Variants in RBL1 observed in about 807,000 individuals in gnomAD.
The protein encoded by RBL1 is RB transcriptional corepressor like 1, also known as retinoblastoma-like protein 1.
A neutral mutation model predicts 123.0 loss-of-function variants in RBL1; 82 were observed. The ratio of observed to expected loss-of-function variants is 0.67; its 90% CI spans 0.56 to 0.80. RBL1 has a LOEUF of 0.80. RBL1 is among the 30% of genes least tolerant of loss of function. The pLI, the probability that RBL1 is intolerant of heterozygous loss-of-function variation, is 0.00. For synonymous variants in RBL1, 405 were observed against 441.3 expected (o/e 0.92, Z 1.03); for missense variants, 1,171 against 1,299.6 (o/e 0.90, Z 1.52).
chr20:37,016,856 C>A (rs969330621), intron 19 of RBL1, among the ~76,000 whole-genome samples: 1 of 148,436 alleles, frequency 6.7e-6, no homozygotes, highest in Non-Finnish European at 1.5e-5. Context: ...TGCATGCCTG[C>A]CTGGGTAACA....
intron 2 of RBL1, among the ~76,000 whole-genome samples, chr20:37,073,998 C>G (rs7262177): frequency 0.053 from 8,116 of 152,074 alleles, 738 homozygotes; most frequent in African/African-American, 0.18. Flanking sequence ...GTAGTCCCAG[C>G]TACATGGGAG....
intron 11 of RBL1, among the ~76,000 whole-genome samples, chr20:37,055,350 G>A (rs370005335): frequency 1.4e-5 from 2 of 147,278 alleles, no homozygotes; most frequent in South Asian, 2.2e-4. Flanking sequence ...AAACACTGAT[G>A]TGTACCAAAG....
intron 11 of RBL1, among the ~76,000 whole-genome samples, chr20:37,052,425 G>A (rs888516607): frequency 4.7e-5 from 7 of 149,750 alleles, no homozygotes; most frequent in African/African-American, 1.2e-4. Context: ...TCTTCCTCCC[G>A]GGCTCAAGCG....
At chr20:37,093,364 G>C (rs1392099065) in intron 1 of RBL1, among the ~76,000 whole-genome samples, 1 of 148,942 alleles carries the variant, frequency 6.7e-6, no homozygotes, top group Non-Finnish European at 1.5e-5. Flanking sequence ...GCATTGGGCT[G>C]GGCTCGGTGG....
chr20:37,069,106 C>A (rs1445847830), intron 2 of RBL1, among the ~76,000 whole-genome samples: 13 of 152,400 alleles, frequency 8.5e-5, no homozygotes, highest in African/African-American at 3.1e-4. Context: ...TCCCGAGGTG[C>A]CGGGATTGCA....
At chr20:37,074,812 G>A (rs1052815164) in intron 2 of RBL1, among the ~76,000 whole-genome samples, 4 of 152,074 alleles carry the variant, frequency 2.6e-5, no homozygotes, top group Non-Finnish European at 2.9e-5. Flanking sequence ...GTGACAGAGT[G>A]AGACTCTGTC....
rs2065110573 is a variant in RBL1, at chr20:37,062,373, T to G, written c.897-103A>C. ...TTACAGCTTAGAAAACTTGACAACT[T>G]TCTAATTTTTATTAACTCTGACCAT... is the stretch of plus-strand genomic sequence containing the variant. On this transcript the variant is annotated intron_variant, in intron 7 of 21. Transcript: ENST00000373664. 12 of 1,455,526 alleles carry G rather than the reference T, an allele frequency of 8.2e-6. No individual in the cohort carries two copies. The South Asian group carries it at 1.8e-4, about 22-fold the overall frequency. The allele number at this position is 1,455,526 out of a possible 1,614,324, so 90.2% of individuals were successfully genotyped here. A position where few individuals can be genotyped will look rare whatever the true frequency, so the allele number is the denominator to read the frequency against.
intron 19 of RBL1, among the ~76,000 whole-genome samples, chr20:37,012,597 C>T (rs1242914693): frequency 4.8e-5 from 7 of 144,602 alleles, no homozygotes; most frequent in African/African-American, 2.0e-4. Flanking sequence ...CCAGCCGCCC[C>T]GTCTGAGAAG....
At chr20:37,092,527 C>T in intron 1 of RBL1, among the ~76,000 whole-genome samples, 1 of 152,092 alleles carries the variant, frequency 6.6e-6, no homozygotes. Context: ...TGCCACCACA[C>T]CCAGCTAATT....
rs1432624795 is a variant in RBL1, at chr20:37,035,273, T to C, written c.2139A>G (p.Thr713=). 1 of 1,613,864 alleles carries C rather than the reference T, an allele frequency of 6.2e-7. No homozygotes were observed. Among genetic ancestry groups the C allele is most frequent in the Non-Finnish European group, 8.5e-7 (1 of 1,179,850 alleles). Residue 713 remains threonine (T), a synonymous_variant, in exon 15 of 22, where the codon ACA becomes ACG. Coordinates refer to ENST00000373664, the MANE Select transcript of RBL1 (RefSeq NM_002895.5). ...ATGGAATTGTAACTTTATGTCCTGT[T>C]GTTCCTGTTACTGGGGCTGTGGCCA... ...LTMATAPVTG[T]TGHKVTIPLH...
chr20:37,007,401 T>C lies in RBL1; in HGVS notation c.2871+10A>G, dbSNP rs771582322. 4.8e-5 allele frequency: 78 copies of C among 1,610,810 alleles called. No homozygotes were observed. Among genetic ancestry groups the C allele is most frequent in the East Asian group, 6.7e-5 (3 of 44,842 alleles). On this transcript the variant is annotated intron_variant, in intron 20 of 21. Transcript: ENST00000373664. ...CAAATAATAATAAAGTAGTAAAACATAGAACATACCATATGGTCCTGATTC... is the reference window on the plus strand; with the variant it reads ...CAAATAATAATAAAGTAGTAAAACACAGAACATACCATATGGTCCTGATTC...
At chr20:37,073,482 G>C (rs1048655425) in intron 2 of RBL1, among the ~76,000 whole-genome samples, 1 of 151,950 alleles carries the variant, frequency 6.6e-6, no homozygotes, top group African/African-American at 2.4e-5. Flanking sequence ...AGGATTGCTT[G>C]AGCCCAGGAG....
rs768237250 is a variant in RBL1 at position 37,026,063 on chromosome 20, C to T, written c.2383-3237G>A. ...GGCCAGGACCTGGGTTCTTAATGGT[C>T]GTGGTAACCACAGCAGTCCCATACT... is the stretch of plus-strand genomic sequence containing the variant. On this transcript the variant is annotated intron_variant, in intron 16 of 21. Transcript: ENST00000373664. Among the ~76,000 whole-genome samples, 7 of 152,102 alleles carry T rather than the reference C, an allele frequency of 4.6e-5. No individual in the cohort carries two copies. The South Asian group carries it at 1.0e-3, about 23-fold the overall frequency.
chr20:37,091,335 G>A (rs1033597606), intron 1 of RBL1, among the ~76,000 whole-genome samples: 7 of 150,700 alleles, frequency 4.6e-5, no homozygotes, highest in East Asian at 3.9e-4. Context: ...TCCAGCCTGC[G>A]CAACGGGAGT....
chr20:37,086,325 G>A (rs921330857), intron 2 of RBL1, among the ~76,000 whole-genome samples: 1 of 151,884 alleles, frequency 6.6e-6, no homozygotes, highest in African/African-American at 2.4e-5. Context: ...GGTGGCTTAC[G>A]TCTATAGTCC....
chr20:37,089,210 G>A (rs1035000433), intron 1 of RBL1, 88 bp from the exon 2 acceptor site: 2 of 1,311,112 alleles, frequency 1.5e-6, no homozygotes, highest in African/African-American at 3.0e-5. Flanking sequence ...GAATTATCTG[G>A]TCTCAATTTT....
At chr20:37,000,186 G>A (rs1196010986) in intron 21 of RBL1, among the ~76,000 whole-genome samples, 5 of 145,616 alleles carry the variant, frequency 3.4e-5, no homozygotes, top group African/African-American at 1.0e-4. Flanking sequence ...CAACCGCCCC[G>A]TCTGAGAAGT....
At chr20:37,018,180 CCTT>C (rs1449777805) in intron 19 of RBL1, 96 bp downstream of exon 19, 37 of 1,333,308 alleles carry the variant, frequency 2.8e-5, no homozygotes, top group Middle Eastern at 2.5e-4. Flanking sequence ...CACCTCACCT[CCTT>C]ATGATTCACA....
intron 16 of RBL1, among the ~76,000 whole-genome samples, chr20:37,031,195 G>C (rs2146244611): frequency 6.6e-6 from 1 of 152,148 alleles, no homozygotes; most frequent in South Asian, 2.1e-4. Flanking sequence ...AGAATAAATT[G>C]ACTTTATTAA....
Sources: allele counts gnomAD v4.1 joint callset (sites outside exome capture counted in the v4.1 genomes callset), GRCh38; gene constraint gnomAD v4.1.1; transcripts MANE v1.5; gene names NCBI Gene and HGNC (gene_info 2026-07-23, HGNC 2026-07-21).